MIPOL1: variants seen among roughly 807,000 people sequenced by gnomAD.
MIPOL1 encodes mirror-image polydactyly 1.
A neutral mutation model predicts 60.9 loss-of-function variants in MIPOL1; 57 were observed. The observed-to-expected ratio is 0.94, with a 90% CI of 0.76 to 1.17. The LOEUF (loss-of-function observed/expected upper bound fraction) is 1.17, where lower values mean the gene tolerates loss of function less well. Ranked by LOEUF, MIPOL1 falls within the 50% of genes most tolerant of loss-of-function variation. MIPOL1 has a pLI of 0.00. For synonymous variants in MIPOL1, 179 were observed against 168.8 expected (o/e 1.06, Z -0.47); for missense variants, 551 against 511.6 (o/e 1.08, Z -0.74).
At position 37,205,110 on chromosome 14, in the gene MIPOL1, T is replaced by G. The variant is rs187053315; in HGVS notation, c.-199+7006T>G. Among the ~76,000 whole-genome samples the G allele has an allele frequency of 8.9e-5, 13 of 145,928 alleles. No homozygotes were observed. The East Asian group carries it at 1.2e-3, about 13-fold the overall frequency. ...GATATCTGATGGAATAAGTTTTTTG[T>G]TTTTTTTTTTGAGACGGAGTTTTGC... is the stretch of plus-strand genomic sequence containing the variant. On this transcript the variant is annotated intron_variant, in intron 1 of 12. Transcript: ENST00000684589.
At chr14:37,220,513 T>G (rs373615857) in intron 1 of MIPOL1, among the ~76,000 whole-genome samples, 3 of 152,200 alleles carry the variant, frequency 2.0e-5, no homozygotes, top group Non-Finnish European at 2.9e-5. Context: ...TTGTGTGTTA[T>G]AGCTTATGAT....
At chr14:37,355,064 T>G (rs988517453) in intron 9 of MIPOL1, among the ~76,000 whole-genome samples, 2 of 148,356 alleles carry the variant, frequency 1.3e-5, no homozygotes, top group Admixed American at 1.4e-4. Flanking sequence ...CTTTCCATGT[T>G]TAGCACTTCC....
At chr14:37,534,388 C>T (rs1481522167) in intron 12 of MIPOL1, among the ~76,000 whole-genome samples, 1 of 152,138 alleles carries the variant, frequency 6.6e-6, no homozygotes, top group East Asian at 1.9e-4. Flanking sequence ...AATTAATTGA[C>T]TTTCTTTTAT....
chr14:37,285,570 C>A, intron 7 of MIPOL1, 123 bp downstream of exon 7: 2 of 920,036 alleles, frequency 2.2e-6, no homozygotes, highest in Non-Finnish European at 3.1e-6. Flanking sequence ...AATTGCATGT[C>A]TCCAGTCTTT....
intron 11 of MIPOL1, among the ~76,000 whole-genome samples, chr14:37,485,019 T>C (rs2094926350): frequency 6.6e-6 from 1 of 151,974 alleles, no homozygotes; most frequent in South Asian, 2.1e-4. Context: ...ACAAGCCCCA[T>C]AGTGTGATGC....
chr14:37,365,900 G>A (rs912603710), intron 9 of MIPOL1, among the ~76,000 whole-genome samples: 2 of 151,964 alleles, frequency 1.3e-5, no homozygotes, highest in Non-Finnish European at 2.9e-5. Context: ...CTCTTGGTCT[G>A]TTCAGGTTTT....
Position 37,218,683 on chromosome 14 carries a change from C to T in MIPOL1, c.-199+20579C>T, listed in dbSNP as rs575625763. Among the ~76,000 whole-genome samples, 6 of 152,042 alleles carry T rather than the reference C, an allele frequency of 3.9e-5. No homozygotes were observed. The East Asian group carries it at 5.8e-4, about 15-fold the overall frequency. On this transcript the variant is annotated intron_variant, in intron 1 of 12. Coordinates refer to ENST00000684589, the MANE Select transcript of MIPOL1 (RefSeq NM_001388067.1). ...GTGTGTGATGGCTCACACCCAGAAT[C>T]TTAGCACTTTTGAGAGGCTGAGTTA...
chr14:37,265,329 C>T (rs182593612), intron 3 of MIPOL1: 10 of 152,202 alleles, frequency 6.6e-5, no homozygotes, highest in Non-Finnish European at 1.2e-4. Flanking sequence ...GCCTCCATAG[C>T]CCAAGCATAG....
At chr14:37,259,558 C>A (rs542168737) in intron 3 of MIPOL1, among the ~76,000 whole-genome samples, 2 of 151,598 alleles carry the variant, frequency 1.3e-5, no homozygotes, top group South Asian at 2.1e-4. Flanking sequence ...CAGAGTGAGA[C>A]CCTGTCTTAA....
At chr14:37,276,072 G>A (rs2153398636) in intron 6 of MIPOL1, among the ~76,000 whole-genome samples, 1 of 151,106 alleles carries the variant, frequency 6.6e-6, no homozygotes, top group South Asian at 2.1e-4. Context: ...GAACTCCTTA[G>A]TTCCTAAGTC....
chr14:37,496,197 C>T (rs1011046632), intron 11 of MIPOL1, among the ~76,000 whole-genome samples: 2 of 148,864 alleles, frequency 1.3e-5, no homozygotes, highest in African/African-American at 2.5e-5. Context: ...CAATATCATA[C>T]TGAATGGGCA....
intron 11 of MIPOL1, among the ~76,000 whole-genome samples, chr14:37,490,568 G>T (rs2095033479): frequency 1.3e-5 from 2 of 152,290 alleles, no homozygotes; most frequent in South Asian, 4.2e-4. Flanking sequence ...TAAAACCCAG[G>T]ACCTTGGTGG....
At chr14:37,543,442 A>AT (rs891942954) in intron 12 of MIPOL1, among the ~76,000 whole-genome samples, 6 of 151,714 alleles carry the variant, frequency 4.0e-5, no homozygotes, top group South Asian at 2.1e-4. Context: ...CACCTGGCTA[A>AT]TTTTTTTTAT....
intron 1 of MIPOL1, among the ~76,000 whole-genome samples, chr14:37,204,615 C>T (rs528970479): frequency 3.3e-5 from 5 of 152,238 alleles, no homozygotes; most frequent in African/African-American, 7.2e-5. Flanking sequence ...TCACCTTTCA[C>T]GATGATTGTG....
chr14:37,294,101 T>A (rs1419412888), intron 7 of MIPOL1, among the ~76,000 whole-genome samples: 1 of 152,148 alleles, frequency 6.6e-6, no homozygotes, highest in Non-Finnish European at 1.5e-5. Flanking sequence ...GGAACTCCTC[T>A]GAGACAAAAC....
At chr14:37,236,272 C>CATAGATTTGTTAAAA (rs1555365664) in intron 1 of MIPOL1, among the ~76,000 whole-genome samples, 2 of 151,878 alleles carry the variant, frequency 1.3e-5, no homozygotes, top group Non-Finnish European at 2.9e-5. Flanking sequence ...AGTCATATGT[C>CATAGATTTGTTAAAA]ATTGTGGTTT....
At position 37,550,495 on chromosome 14, in the gene MIPOL1, C is replaced by CATATATATAT. The variant is rs3062723; in HGVS notation, c.*3534_*3543dup. On this transcript the variant is annotated 3_prime_UTR_variant, in exon 13 of 13. Transcript: ENST00000684589. ...AGCTAACCTATCTATTCATATTTTA[C>CATATATATAT]ATATATATATATATATATACATGCA... is the stretch of plus-strand genomic sequence containing the variant. The CATATATATAT allele has an allele frequency of 2.5e-4, 36 of 145,754 alleles. No individual in the cohort carries two copies. Among genetic ancestry groups the CATATATATAT allele is most frequent in the African/African-American group, 8.8e-4 (35 of 39,670 alleles). The allele number at this position is 145,754 out of a possible 1,614,324, so 9.0% of individuals were successfully genotyped here. A position where few individuals can be genotyped will look rare whatever the true frequency, so the allele number is the denominator to read the frequency against.
intron 12 of MIPOL1, among the ~76,000 whole-genome samples, chr14:37,515,691 G>A (rs984309511): frequency 3.3e-5 from 5 of 152,068 alleles, no homozygotes; most frequent in Non-Finnish European, 5.9e-5. Flanking sequence ...TTCACATAAC[G>A]TCCAAGAAGT....
chr14:37,218,701 C>G (rs1458779547), intron 1 of MIPOL1, among the ~76,000 whole-genome samples: 1 of 151,914 alleles, frequency 6.6e-6, no homozygotes, highest in Non-Finnish European at 1.5e-5. Context: ...TTTTGAGAGG[C>G]TGAGTTAGGC....
Sources: gnomAD v4.1 joint callset for allele counts (sites outside exome capture counted in the v4.1 genomes callset) on GRCh38, gnomAD v4.1.1 for gene constraint, MANE v1.5 for transcripts, NCBI Gene and HGNC (gene_info 2026-07-23, HGNC 2026-07-21) for gene names.